GABRB2: variants seen among roughly 807,000 people sequenced by gnomAD.
GABRB2 encodes the protein gamma-aminobutyric acid receptor subunit beta-2.
In GABRB2, 16 loss-of-function variants were observed where a neutral mutation model predicts 54.7. The observed-to-expected ratio is 0.29, with a 90% CI of 0.20 to 0.44. The LOEUF is 0.44. Ranked by LOEUF, GABRB2 falls within the 20% of genes least tolerant of loss-of-function variation. GABRB2 has a pLI of 1.00. For missense variants in GABRB2, 355 were observed against 644.0 expected, an observed-to-expected ratio of 0.55 and a Z score of 4.86; for synonymous variants, 244 against 233.8, an observed-to-expected ratio of 1.04 and a Z score of -0.40.
chr5:161,489,454 T>C (rs1245703783), intron 3 of GABRB2, among the ~76,000 whole-genome samples: 3 of 151,722 alleles, frequency 2.0e-5, no homozygotes, highest in African/African-American at 4.8e-5. Context: ...TTCTTTCTTA[T>C]GTATGAGGAA....
At chr5:161,378,165 C>A (rs1044989612) in intron 5 of GABRB2, among the ~76,000 whole-genome samples, 5 of 152,018 alleles carry the variant, frequency 3.3e-5, no homozygotes, top group Non-Finnish European at 5.9e-5. Context: ...TGTCTTAACA[C>A]AATTTATTTA....
intron 8 of GABRB2, chr5:161,330,301 ATT>A (rs1753793822): frequency 6.6e-6 from 1 of 152,150 alleles, no homozygotes; most frequent in Non-Finnish European, 1.5e-5. Flanking sequence ...GGAGAAAATT[ATT>A]TGTCTTTTCC....
At chr5:161,424,042 T>TGAA (rs1344447863) in intron 4 of GABRB2, among the ~76,000 whole-genome samples, 1 of 152,106 alleles carries the variant, frequency 6.6e-6, no homozygotes, top group Non-Finnish European at 1.5e-5. Flanking sequence ...TTTAATTCCA[T>TGAA]GAAGGCTATG....
At chr5:161,526,241 A>C (rs2113443550) in intron 3 of GABRB2, among the ~76,000 whole-genome samples, 1 of 151,594 alleles carries the variant, frequency 6.6e-6, no homozygotes, top group Non-Finnish European at 1.5e-5. Context: ...CTGGCAATTC[A>C]ATGTGTTCAA....
rs180732082 is a variant in GABRB2, at chr5:161,309,151, A to G, written c.1192-14723T>C. Among the ~76,000 whole-genome samples, 456 of 152,344 alleles carry G rather than the reference A, an allele frequency of 3.0e-3. 8 individuals carry two copies. Among genetic ancestry groups the G allele is most frequent in the South Asian group, 0.024 (118 of 4,826 alleles). On this transcript the variant is annotated intron_variant, in intron 9 of 9. Transcript: ENST00000393959. Reference sequence around the variant, plus strand: ...CCAGCATCTATAAGAAACTTAAGCAAATTTACAAGACAAAAATAAACAACT... The same window carrying G: ...CCAGCATCTATAAGAAACTTAAGCAGATTTACAAGACAAAAATAAACAACT...
At chr5:161,460,268 ATGTGTGTGTG>A (rs57673547) in intron 3 of GABRB2, among the ~76,000 whole-genome samples, 1 of 148,568 alleles carries the variant, frequency 6.7e-6, no homozygotes, top group Admixed American at 6.7e-5. Context: ...TTATATATAT[ATGTGTGTGTG>A]TGTGTGTGTG....
intron 9 of GABRB2, among the ~76,000 whole-genome samples, chr5:161,296,379 A>C (rs761715120): frequency 2.6e-5 from 4 of 152,124 alleles, no homozygotes; most frequent in Non-Finnish European, 5.9e-5. Flanking sequence ...TCCCTTCTTT[A>C]ACCACCAGGA....
At chr5:161,408,063 C>A (rs1252372114) in intron 5 of GABRB2, among the ~76,000 whole-genome samples, 4 of 151,990 alleles carry the variant, frequency 2.6e-5, no homozygotes, top group African/African-American at 9.7e-5. Context: ...ATCTTGGCAG[C>A]AATTTTAGCA....
At chr5:161,426,773 A>G (rs1055220028) in intron 4 of GABRB2, among the ~76,000 whole-genome samples, 39 of 152,190 alleles carry the variant, frequency 2.6e-4, no homozygotes, top group African/African-American at 9.4e-4. Flanking sequence ...CACAATTTAC[A>G]ATAAGAAGCA....
intron 5 of GABRB2, among the ~76,000 whole-genome samples, chr5:161,374,652 A>C (rs115915369): frequency 0.011 from 1,610 of 152,312 alleles, 24 homozygotes; most frequent in African/African-American, 0.036. Flanking sequence ...ACATGACTCA[A>C]TACCTAACTT....
intron 3 of GABRB2, among the ~76,000 whole-genome samples, chr5:161,478,669 A>T (rs144990089): frequency 6.6e-6 from 1 of 152,138 alleles, no homozygotes; most frequent in Admixed American, 6.6e-5. Flanking sequence ...GATTTCCATG[A>T]ATATCTTTCA....
chr5:161,407,985 C>T (rs146662604), intron 5 of GABRB2, among the ~76,000 whole-genome samples: 19 of 152,074 alleles, frequency 1.2e-4, no homozygotes, highest in African/African-American at 3.6e-4. Flanking sequence ...TTTTAGAGCC[C>T]TCAGTACTTT....
At chr5:161,344,933 C>A (rs984736323) in intron 5 of GABRB2, among the ~76,000 whole-genome samples, 7 of 152,036 alleles carry the variant, frequency 4.6e-5, no homozygotes, top group Non-Finnish European at 8.8e-5. Context: ...TCTGAGCAAA[C>A]TAACACAGGA....
chr5:161,329,377 T>TA (rs1753765326), intron 8 of GABRB2: 1 of 123,394 alleles, frequency 8.1e-6, no homozygotes, highest in African/African-American at 3.1e-5. Flanking sequence ...TTCCAATAAG[T>TA]AAAACCTTGG....
intron 3 of GABRB2, among the ~76,000 whole-genome samples, chr5:161,538,826 GAA>G (rs11292413): frequency 7.1e-6 from 1 of 141,224 alleles, no homozygotes; most frequent in African/African-American, 2.5e-5. Context: ...TGTCTCAAAA[GAA>G]AAAAAAAAAA....
At position 161,349,761 on chromosome 5, in the gene GABRB2, G is replaced by T. The variant is rs1209065215; in HGVS notation, c.542-12992C>A. Among the ~76,000 whole-genome samples, 3 of 152,094 alleles carry T rather than the reference G, an allele frequency of 2.0e-5. 1 individual carries two copies. Among genetic ancestry groups the T allele is most frequent in the African/African-American group, 7.2e-5 (3 of 41,434 alleles). ...AACTGATGCCCTTTTCCAACAGCCT[G>T]CAGGAAACTTAAGCTTGCCACAACT... On this transcript the variant is annotated intron_variant, in intron 5 of 9. Coordinates refer to ENST00000393959, the MANE Select transcript of GABRB2 (RefSeq NM_001371727.1).
intron 5 of GABRB2, among the ~76,000 whole-genome samples, chr5:161,339,515 T>A (rs1754091062): frequency 2.0e-5 from 3 of 152,050 alleles, no homozygotes; most frequent in African/African-American, 7.2e-5. Context: ...TCCAGATAAT[T>A]CTATTGTAGG....
intron 3 of GABRB2, among the ~76,000 whole-genome samples, chr5:161,484,929 A>T (rs989302042): frequency 1.3e-5 from 2 of 151,978 alleles, no homozygotes; most frequent in African/African-American, 2.4e-5. Context: ...ACTTCTTAGT[A>T]TGGGTTATGA....
At chr5:161,509,965 T>C (rs1248661136) in intron 3 of GABRB2, among the ~76,000 whole-genome samples, 1 of 151,928 alleles carries the variant, frequency 6.6e-6, no homozygotes, top group East Asian at 1.9e-4. Flanking sequence ...TGTTTTGCTT[T>C]TATTTTTAAT....
Sources: allele counts gnomAD v4.1 joint callset (sites outside exome capture counted in the v4.1 genomes callset), GRCh38; gene constraint gnomAD v4.1.1; transcripts MANE v1.5; gene names NCBI Gene and HGNC (gene_info 2026-07-23, HGNC 2026-07-21).